ANGPT2: variants seen among roughly 807,000 people sequenced by gnomAD.
ANGPT2 encodes the protein angiopoietin 2.
In ANGPT2, 28 loss-of-function variants were observed where a neutral mutation model predicts 62.9. The ratio of observed to expected loss-of-function variants is 0.44; its 90% confidence interval spans 0.33 to 0.61. The LOEUF is 0.61. Among genes scored for constraint, ANGPT2 ranks in the 20% least tolerant of loss-of-function variants. ANGPT2 has a pLI of 0.03. For synonymous variants in ANGPT2, 284 were observed against 207.8 expected (o/e 1.37, Z -3.15); for missense variants, 727 against 594.9 (o/e 1.22, Z -2.31).
intron 1 of ANGPT2, among the ~76,000 whole-genome samples, chr8:6,549,373 C>T (rs80108220): frequency 0.037 from 5,600 of 152,336 alleles, 146 homozygotes; most frequent in East Asian, 0.095. Context: ...GTTCCAATTA[C>T]ATGACATTCA....
chr8:6,528,628 G>A (rs1374751913), intron 2 of ANGPT2, among the ~76,000 whole-genome samples: 1 of 152,266 alleles, frequency 6.6e-6, no homozygotes, highest in African/African-American at 2.4e-5. Flanking sequence ...CATGAGCAGT[G>A]CGGCTCTCCC....
intron 5 of ANGPT2, among the ~76,000 whole-genome samples, chr8:6,516,225 C>T: frequency 6.6e-6 from 1 of 152,196 alleles, no homozygotes; most frequent in East Asian, 1.9e-4. Context: ...CTCTGTATTG[C>T]TATGATTTTT....
chr8:6,551,522 T>G (rs1293951163), intron 1 of ANGPT2, among the ~76,000 whole-genome samples: 3 of 152,178 alleles, frequency 2.0e-5, no homozygotes, highest in Non-Finnish European at 4.4e-5. Context: ...AAATCACCAG[T>G]TGTTGTTTGA....
At chr8:6,519,354 C>A (rs750804249) in intron 5 of ANGPT2, among the ~76,000 whole-genome samples, 16 of 152,152 alleles carry the variant, frequency 1.1e-4, no homozygotes, top group Non-Finnish European at 2.2e-4. Context: ...GCCACCATCC[C>A]CGTGTGAGGC....
intron 5 of ANGPT2, 98 bp downstream of exon 5, chr8:6,519,766 G>T: frequency 6.8e-7 from 1 of 1,464,264 alleles, no homozygotes. Context: ...TGAGGCTGGG[G>T]AAGATCTTTG....
At chr8:6,526,272 A>T (rs559439750) in intron 3 of ANGPT2, among the ~76,000 whole-genome samples, 2 of 150,368 alleles carry the variant, frequency 1.3e-5, no homozygotes, top group African/African-American at 4.9e-5. Flanking sequence ...AAAAAAAAAA[A>T]AAAAAAAAAA....
intron 8 of ANGPT2, chr8:6,508,518 A>C: frequency 4.2e-6 from 1 of 239,448 alleles, no homozygotes; most frequent in Non-Finnish European, 7.9e-6. Context: ...TCCTTCTTTG[A>C]ACATTAAATT....
At chr8:6,556,734 C>T (rs1050423746) in intron 1 of ANGPT2, among the ~76,000 whole-genome samples, 1 of 152,174 alleles carries the variant, frequency 6.6e-6, no homozygotes, top group African/African-American at 2.4e-5. Context: ...CCACCTCAGC[C>T]TCCCAAGTAG....
intron 2 of ANGPT2, among the ~76,000 whole-genome samples, chr8:6,531,710 C>A (rs1819549816): frequency 6.6e-6 from 1 of 152,156 alleles, no homozygotes; most frequent in Non-Finnish European, 1.5e-5. Flanking sequence ...TTATTTGAGG[C>A]CCAGAAAAGG....
At chr8:6,542,686 A>G (rs1821833576) in intron 1 of ANGPT2, among the ~76,000 whole-genome samples, 1 of 151,338 alleles carries the variant, frequency 6.6e-6, no homozygotes, top group African/African-American at 2.4e-5. Context: ...ATGGCCTTTT[A>G]CGTCTCCTCT....
chr8:6,506,839 C>A (rs921390367), intron 8 of ANGPT2, among the ~76,000 whole-genome samples: 2 of 149,442 alleles, frequency 1.3e-5, no homozygotes, highest in African/African-American at 4.9e-5. Context: ...AATTTAAAGA[C>A]ATGAAAATTA....
In ANGPT2 at chr8:6,531,433, T is replaced by A. The variant is rs1469806809; in HGVS notation, c.444+899A>T. Among the ~76,000 whole-genome samples, 6 of 152,114 alleles carry A rather than the reference T, an allele frequency of 3.9e-5. No homozygotes were observed. In the South Asian group the frequency reaches 1.2e-3, roughly 32 times the overall value. Reference sequence around the variant, plus strand: ...CCTCCCAAGTAGCTGGGATTGCAGATGCCCGCCACCACACCTGGCTAATTT... The same window carrying A: ...CCTCCCAAGTAGCTGGGATTGCAGAAGCCCGCCACCACACCTGGCTAATTT... On this transcript the variant is annotated intron_variant, in intron 2 of 8. Coordinates refer to ENST00000629816, the MANE Select transcript of ANGPT2 (RefSeq NM_001118887.2).
rs1049815878 is a variant in ANGPT2, at chr8:6,514,834, T to G, written c.928-56A>C. The G allele has an allele frequency of 4.8e-6, 7 of 1,443,800 alleles. No homozygotes were observed. The African/African-American group carries it at 7.0e-5, about 14-fold the overall frequency. 89.4% of individuals were successfully genotyped at this position (1,443,800 alleles called of 1,614,324 possible). On this transcript the variant is annotated intron_variant, in intron 5 of 8. Coordinates refer to ENST00000629816, the MANE Select transcript of ANGPT2 (RefSeq NM_001118887.2). ...AGAGCCCCCCCACTCCCCCCTTACGTAGCAGAAGCAGGAGGAATGTAGACC... is the reference window on the plus strand; with the variant it reads ...AGAGCCCCCCCACTCCCCCCTTACGGAGCAGAAGCAGGAGGAATGTAGACC...
chr8:6,531,242 G>T (rs1563076574), intron 2 of ANGPT2, among the ~76,000 whole-genome samples: 1 of 150,754 alleles, frequency 6.6e-6, no homozygotes. Flanking sequence ...TTCTTCTTTT[G>T]AAATTTTCCT....
In ANGPT2 at chr8:6,547,483, C is replaced by A. The variant is rs1822812819; in HGVS notation, c.289-14996G>T. On this transcript the variant is annotated intron_variant, in intron 1 of 8. Coordinates refer to ENST00000629816, the MANE Select transcript of ANGPT2 (RefSeq NM_001118887.2). ...CAGAACTGACGTTTTCTTCTGCATG[C>A]TTGAATTTTTACTCAACAACTGGAA... 2.0e-5 allele frequency among the ~76,000 whole-genome samples: 3 copies of A among 152,128 alleles called. No individual in the cohort carries two copies. The South Asian group carries it at 6.2e-4, about 32-fold the overall frequency.
At chr8:6,560,547 G>T (rs1458144541) in intron 1 of ANGPT2, among the ~76,000 whole-genome samples, 1 of 152,196 alleles carries the variant, frequency 6.6e-6, no homozygotes, top group Non-Finnish European at 1.5e-5. Context: ...GCCTTTCTCA[G>T]GTGCACGTTG....
intron 3 of ANGPT2, among the ~76,000 whole-genome samples, chr8:6,525,269 A>C (rs768574544): frequency 1.3e-5 from 2 of 152,108 alleles, no homozygotes; most frequent in Non-Finnish European, 2.9e-5. Flanking sequence ...ATTAGTATGT[A>C]ATTTTGGAGA....
intron 2 of ANGPT2, among the ~76,000 whole-genome samples, chr8:6,530,748 T>C (rs908898090): frequency 6.6e-6 from 1 of 152,204 alleles, no homozygotes; most frequent in Non-Finnish European, 1.5e-5. Flanking sequence ...GTTATTCTAT[T>C]CTCTTATCTG....
At position 6,562,767 on chromosome 8, in the gene ANGPT2, G is replaced by A; in HGVS notation, c.168C>T (p.Ser56=). Residue 56 remains serine (S), a synonymous_variant, in exon 1 of 9, where the codon TCC becomes TCT. Transcript: ENST00000629816. ...CAGCATTGGACACGTAGGGGCTGGA[G>A]GAAGAGCGGCAGTTGTCCATCTCTG... The part of the protein sequence containing the change: ...LLPEMDNCRS[S]SSPYVSNAVQ... 1 of 1,613,916 alleles carries A rather than the reference G, an allele frequency of 6.2e-7. No homozygotes were observed. The highest frequency in any genetic ancestry group is 8.5e-7 in the Non-Finnish European group (1 of 1,179,992).
Sources: gnomAD v4.1 joint callset for allele counts (sites outside exome capture counted in the v4.1 genomes callset) on GRCh38, gnomAD v4.1.1 for gene constraint, MANE v1.5 for transcripts, NCBI Gene and HGNC (gene_info 2026-07-23, HGNC 2026-07-21) for gene names.